The following NUP85 variants were observed in gnomAD, a reference collection of about 807,000 sequenced individuals.
NUP85 encodes nuclear pore complex protein Nup85.
Under a neutral mutation model 92.8 loss-of-function variants are expected in NUP85, and 23 were observed. The observed-to-expected ratio is 0.25, with a 90% CI of 0.18 to 0.35. The LOEUF is 0.35. Among genes scored for constraint, NUP85 ranks in the 10% least tolerant of loss-of-function variants. The probability of loss-of-function intolerance (pLI) is 1.00; values close to 1 mark genes in which losing one functional copy is unlikely to be tolerated. For synonymous variants in NUP85, 314 were observed against 306.9 expected (o/e 1.02, Z -0.24); for missense variants, 759 against 822.8 (o/e 0.92, Z 0.95).
At position 75,235,684 on chromosome 17, in the gene NUP85, T is replaced by C. The variant is rs2076306651; in HGVS notation, c.*5T>C. ...GGCTCACTGGAAGGTTCCTGAGAAC[T>C]GCTTCAATGTGGTATCTTTGTATGG... On this transcript the variant is annotated 3_prime_UTR_variant, in exon 19 of 19. Coordinates refer to ENST00000245544, the MANE Select transcript of NUP85 (RefSeq NM_024844.5). The C allele has an allele frequency of 1.3e-6, 2 of 1,590,872 alleles. No individual in the cohort carries two copies. The highest frequency in any genetic ancestry group is 1.7e-6 in the Non-Finnish European group (2 of 1,159,262).
chr17:75,213,525 T>C (rs1026588101), intron 5 of NUP85, among the ~76,000 whole-genome samples: 16 of 151,962 alleles, frequency 1.1e-4, no homozygotes, highest in African/African-American at 3.9e-4. Context: ...ACTTTTGACC[T>C]CAAGTGATCC....
chr17:75,218,749 T>C (rs557841703), intron 7 of NUP85, among the ~76,000 whole-genome samples: 3 of 151,806 alleles, frequency 2.0e-5, no homozygotes, highest in Non-Finnish European at 4.4e-5. Flanking sequence ...TCAAAACAAA[T>C]TAATAAATAA....
intron 5 of NUP85, among the ~76,000 whole-genome samples, chr17:75,215,170 T>G (rs1029841820): frequency 1.3e-5 from 2 of 152,202 alleles, no homozygotes; most frequent in Admixed American, 1.3e-4. Context: ...AAACTCCATC[T>G]CAAAAGATAA....
chr17:75,225,222 A>G lies in NUP85; in HGVS notation c.717A>G (p.Thr239=), dbSNP rs777044917. The G allele has an allele frequency of 1.2e-6, 2 of 1,606,992 alleles. No homozygotes were observed. The highest frequency in any genetic ancestry group is 1.7e-6 in the Non-Finnish European group (2 of 1,175,292). ...ICRIMGDLMR[T]MPILSPGNTQ... is the part of the protein sequence containing the mutation. The stretch of plus-strand genomic sequence containing the variant: ...GAATCATGGGGGACCTGATGAGGAC[A>G]ATGCCCATTCTTAGTGTACGTGGGG... The change falls in exon 8 of 19, where the codon ACA becomes ACG. Residue 239 remains threonine, a synonymous_variant. Coordinates refer to ENST00000245544, the MANE Select transcript of NUP85 (RefSeq NM_024844.5).
At position 75,233,170 on chromosome 17, in the gene NUP85, G is replaced by A. The variant is rs2076143901; in HGVS notation, c.1615+12G>A. 2.5e-6 allele frequency: 4 copies of A among 1,612,662 alleles called. No homozygotes were observed. The highest frequency in any genetic ancestry group is 3.4e-6 in the Non-Finnish European group (4 of 1,178,980). The stretch of plus-strand genomic sequence containing the variant: ...ACTGACATTCCTGGGTGAGTCTCTG[G>A]GTTTTGTGCCCTGTGCTTTGGGCAC... On this transcript the variant is annotated intron_variant, in intron 16 of 18. Transcript: ENST00000245544.
chr17:75,215,960 G>A (rs1168532511), intron 6 of NUP85, 137 bp downstream of exon 6: 14 of 772,500 alleles, frequency 1.8e-5, no homozygotes, highest in East Asian at 8.1e-5. Flanking sequence ...ACGGGAAGTC[G>A]TTAGAAAACA....
intron 6 of NUP85, 119 bp from the exon 7 acceptor site, chr17:75,218,066 A>G: frequency 1.5e-6 from 2 of 1,346,182 alleles, no homozygotes; most frequent in Non-Finnish European, 1.0e-6. Flanking sequence ...GTGACTGCTT[A>G]AAAGGGATAA....
At chr17:75,207,148 T>G (rs533555871) in intron 1 of NUP85, among the ~76,000 whole-genome samples, 10 of 151,950 alleles carry the variant, frequency 6.6e-5, no homozygotes, top group South Asian at 6.2e-4. Flanking sequence ...TTGTGAGCAA[T>G]TTGTGAGGGA....
At chr17:75,217,477 C>T (rs1259818880) in intron 6 of NUP85, among the ~76,000 whole-genome samples, 1 of 151,914 alleles carries the variant, frequency 6.6e-6, no homozygotes, top group Admixed American at 6.6e-5. Flanking sequence ...GCTGGGATTA[C>T]AGACATGAAC....
intron 11 of NUP85, chr17:75,228,229 C>A: frequency 7.1e-6 from 7 of 985,332 alleles, no homozygotes; most frequent in Non-Finnish European, 8.4e-6. Context: ...GGGAAAGCAT[C>A]CTGCTGTTTC....
chr17:75,205,701 G>A lies in NUP85; in HGVS notation c.-61G>A. Reference sequence around the variant, plus strand: ...CTTGTCTCGCAGCCAGCTCTGAGCGGGAGGCCTGAGCGGGAAGCATTGGCG... The same window carrying A: ...CTTGTCTCGCAGCCAGCTCTGAGCGAGAGGCCTGAGCGGGAAGCATTGGCG... On this transcript the variant is annotated 5_prime_UTR_variant, in exon 1 of 19. Transcript: ENST00000245544. The A allele has an allele frequency of 6.2e-7, 1 of 1,603,188 alleles. No individual in the cohort carries two copies. The highest frequency in any genetic ancestry group is 1.3e-5 in the African/African-American group (1 of 74,878).
intron 3 of NUP85, among the ~76,000 whole-genome samples, chr17:75,211,003 GT>G (rs11403555): frequency 1.3e-4 from 14 of 111,664 alleles, no homozygotes; most frequent in African/African-American, 2.5e-4. Context: ...GCCTGGCCCT[GT>G]TTTTTTTTTT....
At chr17:75,224,719 C>G (rs137896298) in intron 7 of NUP85, among the ~76,000 whole-genome samples, 59 of 151,828 alleles carry the variant, frequency 3.9e-4, no homozygotes, top group African/African-American at 1.4e-3. Flanking sequence ...GTAATCTCAG[C>G]TACTCGGGAG....
In NUP85 at chr17:75,210,116, A is replaced by G. The variant is rs920653270; in HGVS notation, c.290+131A>G. The G allele has an allele frequency of 2.7e-5, 22 of 824,730 alleles. No homozygotes were observed. The Admixed American group carries it at 3.3e-4, about 12-fold the overall frequency. 51.1% of individuals were successfully genotyped at this position (824,730 alleles called of 1,614,324 possible). On this transcript the variant is annotated intron_variant, in intron 3 of 18. Transcript: ENST00000245544. Reference sequence around the variant, plus strand: ...AGAGACTCCTGGTTCTAGTTGAGGCATGAGTACTGGACAGTGTACATTAGC... The same window carrying G: ...AGAGACTCCTGGTTCTAGTTGAGGCGTGAGTACTGGACAGTGTACATTAGC...
chr17:75,211,593 C>T (rs926958312), intron 3 of NUP85, among the ~76,000 whole-genome samples: 3 of 151,914 alleles, frequency 2.0e-5, no homozygotes, highest in Admixed American at 1.3e-4. Flanking sequence ...GACAGGGTTT[C>T]ACCAGGTTGG....
At chr17:75,215,937 C>T in intron 6 of NUP85, 114 bp downstream of exon 6, 2 of 954,962 alleles carry the variant, frequency 2.1e-6, no homozygotes, top group East Asian at 2.5e-5. Flanking sequence ...ATGTTCTTTC[C>T]ATCATTATAA....
chr17:75,218,294 C>T lies in NUP85; in HGVS notation c.585C>T (p.Ser195=). 2 of 1,613,524 alleles carry T rather than the reference C, an allele frequency of 1.2e-6. No individual in the cohort carries two copies. Among genetic ancestry groups the T allele is most frequent in the Non-Finnish European group, 1.7e-6 (2 of 1,179,648 alleles). The part of the protein sequence containing the change: ...LGSENPSKHD[S]FWNLVTILVL... ...GTGAGAATCCAAGCAAACATGACAG[C>T]TTCTGGAACTTGGTAAGACAGGCCG... The change falls in exon 7 of 19, where the codon AGC becomes AGT. Residue 195 remains serine (S), a synonymous_variant. Coordinates refer to ENST00000245544, the MANE Select transcript of NUP85 (RefSeq NM_024844.5).
chr17:75,219,220 C>T (rs1378288263), intron 7 of NUP85, among the ~76,000 whole-genome samples: 1 of 152,132 alleles, frequency 6.6e-6, no homozygotes, highest in Non-Finnish European at 1.5e-5. Flanking sequence ...CGGCCCGGCA[C>T]GGTGGCTCAC....
chr17:75,218,431 G>A (rs2075496045), intron 7 of NUP85, 125 bp downstream of exon 7: 1 of 1,135,284 alleles, frequency 8.8e-7, no homozygotes, highest in South Asian at 1.4e-5. Context: ...TTACTATGGA[G>A]ACTCTTTTGG....
Sources: gnomAD v4.1 joint callset for allele counts (sites outside exome capture counted in the v4.1 genomes callset) on GRCh38, gnomAD v4.1.1 for gene constraint, MANE v1.5 for transcripts, NCBI Gene and HGNC (gene_info 2026-07-23, HGNC 2026-07-21) for gene names.